CNTN2: variants seen among roughly 807,000 people sequenced by gnomAD.
CNTN2 encodes contactin-2.
CNTN2 carries 53 observed loss-of-function variants against 117.5 expected under a neutral mutation model. The ratio of observed to expected loss-of-function variants is 0.45; its 90% CI spans 0.36 to 0.57. The LOEUF is 0.57. Among genes scored for constraint, CNTN2 ranks in the 20% least tolerant of loss-of-function variants. The pLI is 0.00. For synonymous variants in CNTN2, 530 were observed against 561.7 expected, an observed-to-expected ratio of 0.94 and a Z score of 0.80; for missense variants, 1,106 against 1,404.3, an observed-to-expected ratio of 0.79 and a Z score of 3.39.
In CNTN2 at chr1:205,058,977, G is replaced by A; in HGVS notation, c.488-107G>A. 1 of 961,502 alleles carries A rather than the reference G, an allele frequency of 1.0e-6. No homozygotes were observed. The highest frequency in any genetic ancestry group is 1.6e-6 in the Non-Finnish European group (1 of 620,464). The allele number at this position is 961,502 out of a possible 1,614,324, so 59.6% of individuals were successfully genotyped here. On this transcript the variant is annotated intron_variant, in intron 5 of 22. Transcript: ENST00000331830. This position sits in a 1 kb window ranked among gnomAD's most constrained non-coding sequence, Gnocchi z 4.3. Reference sequence around the variant, plus strand: ...CTTAGCCCCAGTTCAGAGCATGGTGGCTGTCAGGACAGGGCTTGCAGAACC... The same window carrying A: ...CTTAGCCCCAGTTCAGAGCATGGTGACTGTCAGGACAGGGCTTGCAGAACC...
rs577367181 is a variant in CNTN2, at chr1:205,056,319, C to T, written c.71-1602C>T. Among the ~76,000 whole-genome samples, 4 of 152,322 alleles carry T rather than the reference C, an allele frequency of 2.6e-5. No homozygotes were observed. In the East Asian group the frequency reaches 7.7e-4, roughly 29 times the overall value. On this transcript the variant is annotated intron_variant, in intron 2 of 22. Coordinates refer to ENST00000331830, the MANE Select transcript of CNTN2 (RefSeq NM_005076.5). Reference sequence around the variant, plus strand: ...CAGCAGTGCCAGCTGGGGCAGGATTCCTACCGTACACCACCATCATTAACT... The same window carrying T: ...CAGCAGTGCCAGCTGGGGCAGGATTTCTACCGTACACCACCATCATTAACT...
intron 19 of CNTN2, among the ~76,000 whole-genome samples, chr1:205,071,047 C>A (rs1363175781): frequency 1.3e-5 from 2 of 151,094 alleles, no homozygotes; most frequent in South Asian, 4.2e-4. Flanking sequence ...GGAAGACAGA[C>A]CCTGGAGGCA....
At chr1:205,045,031 C>T (rs904316936) in intron 1 of CNTN2, among the ~76,000 whole-genome samples, 1 of 152,162 alleles carries the variant, frequency 6.6e-6, no homozygotes, top group African/African-American at 2.4e-5. Context: ...GTGAGACAGA[C>T]AGGAAAGGGC....
At chr1:205,052,674 G>A (rs1026897868) in intron 1 of CNTN2, among the ~76,000 whole-genome samples, 1 of 152,204 alleles carries the variant, frequency 6.6e-6, no homozygotes, top group Non-Finnish European at 1.5e-5. Context: ...AGGGGAAGGG[G>A]CAGGGGGAAA....
At position 205,069,519 on chromosome 1, in the gene CNTN2, CGGA is replaced by C. The variant is rs768078992; in HGVS notation, c.2160_2162del (p.Gly722del). ...CCTCGGTGGCACCCTCAGGACTCAG[CGGA>C]GGAGGTGGAGCCCCCGGAGAGCTCA... On this transcript the variant is annotated inframe_deletion, in exon 17 of 23. Transcript: ENST00000331830. 6.2e-7 allele frequency: 1 copy of C among 1,614,020 alleles called. No homozygotes were observed. The highest frequency in any genetic ancestry group is 1.1e-5 in the South Asian group (1 of 91,060).
Position 205,073,767 on chromosome 1 carries a change from C to T in CNTN2, c.*2C>T, listed in dbSNP as rs765109680. 1.2e-6 allele frequency: 2 copies of T among 1,611,814 alleles called. No homozygotes were observed. Among genetic ancestry groups the T allele is most frequent in the East Asian group, 4.5e-5 (2 of 44,878 alleles). Reference sequence around the variant, plus strand: ...CTCATAGGCTCCCTGGAGCTCTGATCCTGGAACCCCTCCCTCTGCGCCGCA... The same window carrying T: ...CTCATAGGCTCCCTGGAGCTCTGATTCTGGAACCCCTCCCTCTGCGCCGCA... On this transcript the variant is annotated 3_prime_UTR_variant, in exon 23 of 23. Coordinates refer to ENST00000331830, the MANE Select transcript of CNTN2 (RefSeq NM_005076.5). This position sits in a 1 kb window ranked among gnomAD's most constrained non-coding sequence, Gnocchi z 6.3.
Position 205,059,742 on chromosome 1 carries a change from G to A in CNTN2, c.797+60G>A, listed in dbSNP as rs998496833. On this transcript the variant is annotated intron_variant, in intron 7 of 22. Coordinates refer to ENST00000331830, the MANE Select transcript of CNTN2 (RefSeq NM_005076.5). The surrounding 1 kb of genome is among the most constrained non-coding windows in gnomAD (Gnocchi z 5.6). The stretch of plus-strand genomic sequence containing the variant: ...TCTCTCGGGGGCACAGGTGACCCCA[G>A]GGTGAGGGCAGGCAGAGTCAGGGCT... The A allele has an allele frequency of 6.0e-5, 86 of 1,422,166 alleles. No homozygotes were observed. Among genetic ancestry groups the A allele is most frequent in the Non-Finnish European group, 7.9e-5 (80 of 1,010,722 alleles). The allele number at this position is 1,422,166 out of a possible 1,614,324, so 88.1% of individuals were successfully genotyped here. A position where few individuals can be genotyped will look rare whatever the true frequency, so the allele number is the denominator to read the frequency against.
rs539092309 is a variant in CNTN2 at position 205,075,517 on chromosome 1, G to C, written c.*1752G>C. ...AAGGGCATATGTCCTCGGAAGCTCC[G>C]AGCCTGTTTTCTGTAGTTTATAGTT... is the stretch of plus-strand genomic sequence containing the variant. On this transcript the variant is annotated 3_prime_UTR_variant, in exon 23 of 23. Coordinates refer to ENST00000331830, the MANE Select transcript of CNTN2 (RefSeq NM_005076.5). The C allele has an allele frequency of 6.5e-6, 1 of 152,762 alleles. No homozygotes were observed. Among genetic ancestry groups the C allele is most frequent in the South Asian group, 2.1e-4 (1 of 4,826 alleles). The allele number at this position is 152,762 out of a possible 1,614,324, so 9.5% of individuals were successfully genotyped here. A position where few individuals can be genotyped will look rare whatever the true frequency, so the allele number is the denominator to read the frequency against.
chr1:205,064,534 TC>T, intron 11 of CNTN2, 62 bp downstream of exon 11: 3 of 1,594,086 alleles, frequency 1.9e-6, no homozygotes, highest in Non-Finnish European at 2.6e-6. Flanking sequence ...GGAGGCCAAT[TC>T]CCCTCCTGTG....
At chr1:205,056,640 T>C (rs1010229646) in intron 2 of CNTN2, among the ~76,000 whole-genome samples, 1 of 152,164 alleles carries the variant, frequency 6.6e-6, no homozygotes, top group African/African-American at 2.4e-5. Context: ...CCTTTCCCCA[T>C]GACCCACCAA....
Position 205,061,255 on chromosome 1 carries a change from C to A in CNTN2, c.808C>A (p.Arg270=), listed in dbSNP as rs781526005. 1.2e-6 allele frequency: 2 copies of A among 1,609,364 alleles called. No homozygotes were observed. The highest frequency in any genetic ancestry group is 8.5e-7 in the Non-Finnish European group (1 of 1,176,672). The part of the protein sequence containing the change: ...ECFAFGNPVP[R]IKWRKVDGSL... The stretch of plus-strand genomic sequence containing the variant: ...TGTCTCTCCTGCCAGCCCTGTCCCC[C>A]GGATCAAGTGGCGCAAAGTGGACGG... Residue 270 remains arginine, a synonymous_variant, in exon 8 of 23, where the codon CGG becomes AGG. Coordinates refer to ENST00000331830, the MANE Select transcript of CNTN2 (RefSeq NM_005076.5). This position sits in a 1 kb window ranked among gnomAD's most constrained non-coding sequence, Gnocchi z 4.8.
intron 15 of CNTN2, 98 bp downstream of exon 15, chr1:205,066,697 G>T: frequency 7.2e-7 from 1 of 1,392,056 alleles, no homozygotes. Context: ...TGAGGGCCAG[G>T]GCTGAGCCTG....
rs200329308 is a variant in CNTN2, at chr1:205,059,658, C to A, written c.773C>A (p.Thr258Asn). 1 of 1,614,068 alleles carries A rather than the reference C, an allele frequency of 6.2e-7. No individual in the cohort carries two copies. Among genetic ancestry groups the A allele is most frequent in the East Asian group, 2.2e-5 (1 of 44,844 alleles). Residue 258 changes from threonine (T) to asparagine (N), a missense_variant, in exon 7 of 23, where the codon ACC becomes AAC. Thr to Asn is a moderately conservative substitution (Grantham distance 65). Transcript: ENST00000331830. The surrounding 1 kb of genome is among the most constrained non-coding windows in gnomAD (Gnocchi z 5.6). The stretch of plus-strand genomic sequence containing the variant: ...TATGCACTGGTGGGGCAGCAGGTCA[C>A]CCTGGAGTGCTTCGCCTTTGGGAAG... Reference protein sequence around the residue: ...ETYALVGQQVTLECFAFGNPV... With the variant: ...ETYALVGQQVNLECFAFGNPV...
Position 205,065,665 on chromosome 1 carries a change from T to A in CNTN2, c.1696-124T>A. The A allele has an allele frequency of 8.6e-7, 1 of 1,164,152 alleles. No homozygotes were observed. The allele number at this position is 1,164,152 out of a possible 1,614,324, so 72.1% of individuals were successfully genotyped here. Reference sequence around the variant, plus strand: ...CATTGAGCAGACAGGAAAACTGAGATCCAGTGGGGTCCATGGATGTCATGG... The same window carrying A: ...CATTGAGCAGACAGGAAAACTGAGAACCAGTGGGGTCCATGGATGTCATGG... On this transcript the variant is annotated intron_variant, in intron 13 of 22. Coordinates refer to ENST00000331830, the MANE Select transcript of CNTN2 (RefSeq NM_005076.5). The surrounding 1 kb of genome is among the most constrained non-coding windows in gnomAD (Gnocchi z 4.1).
chr1:205,069,661 G>A (rs944330800), intron 17 of CNTN2, 100 bp downstream of exon 17: 5 of 1,452,918 alleles, frequency 3.4e-6, no homozygotes, highest in Non-Finnish European at 4.7e-6. Flanking sequence ...CTCAAACGCG[G>A]ATAACTTCCT....
intron 1 of CNTN2, among the ~76,000 whole-genome samples, chr1:205,050,160 C>T (rs2096449856): frequency 6.6e-6 from 1 of 152,220 alleles, no homozygotes; most frequent in African/African-American, 2.4e-5. Flanking sequence ...CAGGTTCAAA[C>T]CCTGGAAGGT....
Position 205,058,107 on chromosome 1 carries a change from GT to G in CNTN2, c.215+44del. 1.2e-6 allele frequency: 2 copies of G among 1,605,278 alleles called. No individual in the cohort carries two copies. Among genetic ancestry groups the G allele is most frequent in the Non-Finnish European group, 1.7e-6 (2 of 1,175,788 alleles). ...GGGTGCTGGGAGGCCCTGGGCAGCC[GT>G]TGAACTTTCCCTCTCATCAGCCCTG... is the stretch of plus-strand genomic sequence containing the variant. On this transcript the variant is annotated intron_variant, in intron 3 of 22. Coordinates refer to ENST00000331830, the MANE Select transcript of CNTN2 (RefSeq NM_005076.5). This position sits in a 1 kb window ranked among gnomAD's most constrained non-coding sequence, Gnocchi z 4.3.
At position 205,065,390 on chromosome 1, in the gene CNTN2, C is replaced by T; in HGVS notation, c.1695+128C>T. On this transcript the variant is annotated intron_variant, in intron 13 of 22. Transcript: ENST00000331830. The surrounding 1 kb of genome is among the most constrained non-coding windows in gnomAD (Gnocchi z 4.1). The stretch of plus-strand genomic sequence containing the variant: ...AAGCGCCCCCATTCCCTCAGGCCCA[C>T]ACATGGCAAGCTCATCCTTGGATGA... 1 of 958,016 alleles carries T rather than the reference C, an allele frequency of 1.0e-6. No individual in the cohort carries two copies. Among genetic ancestry groups the T allele is most frequent in the Non-Finnish European group, 1.6e-6 (1 of 639,798 alleles). 59.3% of individuals were successfully genotyped at this position (958,016 alleles called of 1,614,324 possible).
chr1:205,048,063 G>C lies in CNTN2; in HGVS notation c.-87+4669G>C, dbSNP rs943631431. ...TAGGATAGAGGTCAAGCGGGGGCCT[G>C]AAGGGCTCCTCAAGTACTTTGTAGG... On this transcript the variant is annotated intron_variant, in intron 1 of 22. Coordinates refer to ENST00000331830, the MANE Select transcript of CNTN2 (RefSeq NM_005076.5). The surrounding 1 kb of genome is among the most constrained non-coding windows in gnomAD (Gnocchi z 4.1). Among the ~76,000 whole-genome samples, 4 of 152,182 alleles carry C rather than the reference G, an allele frequency of 2.6e-5. No homozygotes were observed. The highest frequency in any genetic ancestry group is 9.7e-5 in the African/African-American group (4 of 41,430).
Sources: gnomAD v4.1 joint callset for allele counts (sites outside exome capture counted in the v4.1 genomes callset) on GRCh38, gnomAD v4.1.1 for gene constraint, Gnocchi (gnomAD v3.1) non-coding constraint, MANE v1.5 for transcripts, NCBI Gene and HGNC (gene_info 2026-07-23, HGNC 2026-07-21) for gene names.